CUL4B: variants seen among roughly 807,000 people sequenced by gnomAD.
The protein encoded by CUL4B is cullin-4B.
In CUL4B, 1 loss-of-function variant was observed where a neutral mutation model predicts 69.2. The observed-to-expected ratio is 0.01, with a 90% CI of 0.01 to 0.07. The LOEUF (loss-of-function observed/expected upper bound fraction) is 0.07, where lower values mean the gene tolerates loss of function less well. Among genes scored for constraint, CUL4B ranks in the 10% least tolerant of loss-of-function variants. CUL4B has a pLI of 1.00. For synonymous variants in CUL4B, 237 were observed against 223.2 expected, an observed-to-expected ratio of 1.06 and a Z score of -0.55; for missense variants, 328 against 638.8, an observed-to-expected ratio of 0.51 and a Z score of 5.24.
At chrX:120,569,133 C>G (rs1602595822), downstream of CUL4B, among the ~76,000 whole-genome samples, 1 of 111,356 alleles carries the variant, frequency 9.0e-6, no homozygotes, top group East Asian at 2.8e-4. Context: ...AGTCTATTCT[C>G]TGGCTGGACC....
chrX:120,574,923 A>G (rs1925826212), intron 1 of CUL4B, among the ~76,000 whole-genome samples: 1 of 112,372 alleles, frequency 8.9e-6, no homozygotes, highest in Admixed American at 9.4e-5. Flanking sequence ...ATTTTAAATT[A>G]CAATGGCTTG....
chrX:120,530,783 C>T (rs1236045710), intron 18 of CUL4B, among the ~76,000 whole-genome samples: 2 of 111,983 alleles, frequency 1.8e-5, no homozygotes, highest in Non-Finnish European at 3.8e-5. Context: ...GCTTACAATC[C>T]TTCAAGACTT....
chrX:120,566,641 C>T (rs1260120148), downstream of CUL4B, among the ~76,000 whole-genome samples: 1 of 108,239 alleles, frequency 9.2e-6, no homozygotes, highest in Non-Finnish European at 1.9e-5. Flanking sequence ...AGGTGATCTG[C>T]CTGCCTCAGC....
At chrX:120,541,149 G>A in intron 10 of CUL4B, among the ~76,000 whole-genome samples, 1 of 112,376 alleles carries the variant, frequency 8.9e-6, no homozygotes, top group East Asian at 2.8e-4. Flanking sequence ...CCATTCTCAG[G>A]TTGACTGTTC....
chrX:120,566,365 A>ATGTATATATATATATATATATATATATG (rs779869075), upstream of CUL4B, among the ~76,000 whole-genome samples: 4 of 58,765 alleles, frequency 6.8e-5, no homozygotes, highest in African/African-American at 1.6e-4. Flanking sequence ...ATATATATAT[A>ATGTATATATATATATATATATATATATG]TATATATATA....
At chrX:120,569,517 C>T (rs376186212), downstream of CUL4B, among the ~76,000 whole-genome samples, 1 of 110,653 alleles carries the variant, frequency 9.0e-6, no homozygotes, top group African/African-American at 3.3e-5. Context: ...CCCGCCACCA[C>T]GCCCGGCTAA....
intron 18 of CUL4B, chrX:120,532,214 T>C (rs776735002): frequency 1.9e-5 from 7 of 371,245 alleles, no homozygotes; most frequent in South Asian, 5.0e-5. Flanking sequence ...CAAAGTAAGA[T>C]ATGAAACTAT....
At chrX:120,571,597 A>G (rs1279382208) in exon 3 of CUL4B, 1 of 111,499 alleles carries the variant, frequency 9.0e-6, no homozygotes, top group Non-Finnish European at 1.9e-5. Flanking sequence ...AGTGAGATCT[A>G]GAGATCTATG....
At chrX:120,554,570 G>C (rs1191048862) in intron 2 of CUL4B, among the ~76,000 whole-genome samples, 2 of 112,289 alleles carry the variant, frequency 1.8e-5, no homozygotes, top group Non-Finnish European at 3.8e-5. Context: ...AGAACAGCAT[G>C]TTCTTTTATA....
chrX:120,573,651 A>G (rs1344568218), intron 2 of CUL4B, among the ~76,000 whole-genome samples: 2 of 112,053 alleles, frequency 1.8e-5, no homozygotes, highest in Non-Finnish European at 3.8e-5. Flanking sequence ...AAAATATTAC[A>G]TGAATTCATT....
chrX:120,547,510 T>C (rs1454101407), intron 2 of CUL4B, among the ~76,000 whole-genome samples: 1 of 112,023 alleles, frequency 8.9e-6, no homozygotes, highest in Non-Finnish European at 1.9e-5. Context: ...CTGAAACTTT[T>C]TGAGTGCCAA....
At chrX:120,540,281 A>G in intron 11 of CUL4B, 89 bp downstream of exon 11, 1 of 862,245 alleles carries the variant, frequency 1.2e-6, no homozygotes, top group African/African-American at 2.0e-5. Flanking sequence ...AGGAATTAGT[A>G]ATACTACAAC....
chrX:120,540,935 A>C lies in CUL4B; in HGVS notation c.1444-373T>G, dbSNP rs187248153. On this transcript the variant is annotated intron_variant, in intron 10 of 19. Coordinates refer to ENST00000371322, the MANE Select transcript of CUL4B (RefSeq NM_001079872.2). ...TATGATATCATAACAGGGTATTATTAGAAGCCTCTGGGATCTTTTCCTTAT... is the reference window on the plus strand; with the variant it reads ...TATGATATCATAACAGGGTATTATTCGAAGCCTCTGGGATCTTTTCCTTAT... Among the ~76,000 whole-genome samples, 217 of 112,971 alleles carry C rather than the reference A, an allele frequency of 1.9e-3. 1 individual carries two copies. Among genetic ancestry groups the C allele is most frequent in the Non-Finnish European group, 3.1e-3 (163 of 53,374 alleles).
chrX:120,534,453 T>TA, intron 17 of CUL4B, 28 bp downstream of exon 17: 2 of 937,212 alleles, frequency 2.1e-6, no homozygotes, highest in Non-Finnish European at 3.1e-6. Context: ...GGTGTGCACA[T>TA]AGTGAACAAT....
chrX:120,530,943 G>A (rs758374917), intron 18 of CUL4B, among the ~76,000 whole-genome samples: 1 of 111,820 alleles, frequency 8.9e-6, no homozygotes, highest in East Asian at 2.8e-4. Context: ...GTAAGGACAT[G>A]GTAATCCTTT....
At chrX:120,545,677 T>C (rs981368944) in intron 4 of CUL4B, among the ~76,000 whole-genome samples, 160 bp from the exon 5 acceptor site, 6 of 111,565 alleles carry the variant, frequency 5.4e-5, no homozygotes, top group Non-Finnish European at 9.4e-5. Context: ...TATGCCCATA[T>C]AGTTTTTATT....
intron 16 of CUL4B, among the ~76,000 whole-genome samples, chrX:120,534,862 C>A (rs1923559478): frequency 9.0e-6 from 1 of 111,116 alleles, no homozygotes; most frequent in African/African-American, 3.3e-5. Context: ...CCTTATGTGT[C>A]ATTCTAGATA....
At chrX:120,528,582 G>A (rs896561609) in intron 19 of CUL4B, among the ~76,000 whole-genome samples, 4 of 109,481 alleles carry the variant, frequency 3.7e-5, no homozygotes, top group Non-Finnish European at 7.6e-5. Flanking sequence ...TTAGCCAGGC[G>A]TGATTGTGCG....
chrX:120,538,274 G>A, intron 13 of CUL4B, 65 bp from the exon 14 acceptor site: 1 of 727,413 alleles, frequency 1.4e-6, no homozygotes. Flanking sequence ...GTTTAAAAGT[G>A]GGAAACACGA....
Sources: gnomAD v4.1 joint callset for allele counts (sites outside exome capture counted in the v4.1 genomes callset) on GRCh38, gnomAD v4.1.1 for gene constraint, MANE v1.5 for transcripts, NCBI Gene and HGNC (gene_info 2026-07-23, HGNC 2026-07-21) for gene names.